Variants in COL26A1 observed in about 807,000 individuals in gnomAD.
COL26A1 encodes the protein collagen alpha-1(XXVI) chain.
In COL26A1, 41 loss-of-function variants were observed where a neutral mutation model predicts 59.3. The observed-to-expected ratio is 0.69, with a 90% CI of 0.54 to 0.90. The LOEUF (loss-of-function observed/expected upper bound fraction) is 0.90. Among genes scored for constraint, COL26A1 ranks in the 40% least tolerant of loss-of-function variants. COL26A1 has a pLI of 0.00. For synonymous variants in COL26A1, 266 were observed against 256.0 expected, an observed-to-expected ratio of 1.04 and a Z score of -0.37; for missense variants, 612 against 602.3, an observed-to-expected ratio of 1.02 and a Z score of -0.17.
chr7:101,473,058 G>C (rs1793942681), intron 3 of COL26A1, among the ~76,000 whole-genome samples: 1 of 151,728 alleles, frequency 6.6e-6, no homozygotes, highest in South Asian at 2.1e-4. Flanking sequence ...TGGTTTATGA[G>C]CTGACTATGG....
chr7:101,399,924 C>A (rs1791949979), intron 1 of COL26A1, among the ~76,000 whole-genome samples: 1 of 152,188 alleles, frequency 6.6e-6, no homozygotes, highest in Non-Finnish European at 1.5e-5. Context: ...ATTTACTTAT[C>A]ACCCACTCAA....
chr7:101,401,674 A>T (rs1281046637), intron 1 of COL26A1, among the ~76,000 whole-genome samples: 4 of 126,358 alleles, frequency 3.2e-5, no homozygotes, highest in South Asian at 2.8e-4. Context: ...AGGAGGAAGA[A>T]GATGTTGGAG....
At chr7:101,556,299 C>T (rs1795973983) in intron 12 of COL26A1, among the ~76,000 whole-genome samples, 1 of 152,240 alleles carries the variant, frequency 6.6e-6, no homozygotes, top group Non-Finnish European at 1.5e-5. Context: ...TTCTGTGACC[C>T]TCTGGGAGTC....
intron 1 of COL26A1, among the ~76,000 whole-genome samples, chr7:101,364,437 T>C (rs1477024189): frequency 6.6e-6 from 1 of 151,334 alleles, no homozygotes; most frequent in Admixed American, 6.6e-5. Context: ...GGCCTCCCAA[T>C]CTCCATTTCT....
intron 2 of COL26A1, among the ~76,000 whole-genome samples, chr7:101,420,993 C>A (rs34677547): frequency 1.3e-5 from 2 of 152,018 alleles, no homozygotes; most frequent in African/African-American, 4.8e-5. Flanking sequence ...GGGGCCTCTA[C>A]CCCAAGCACC....
chr7:101,475,809 T>C (rs112879603), intron 3 of COL26A1, among the ~76,000 whole-genome samples: 523 of 40,916 alleles, frequency 0.013, 6 homozygotes, highest in Non-Finnish European at 0.02. Flanking sequence ...TCCTTCCTTC[T>C]TTCTTTCTTT....
chr7:101,523,027 T>G (rs1022384386), intron 3 of COL26A1, among the ~76,000 whole-genome samples: 2 of 152,134 alleles, frequency 1.3e-5, no homozygotes, highest in Non-Finnish European at 2.9e-5. Context: ...GTGATATACT[T>G]CTTCATTCAT....
In COL26A1 at chr7:101,453,975, G is replaced by GT. The variant is rs1793405691; in HGVS notation, c.385+6188_385+6189insT. On this transcript the variant is annotated intron_variant, in intron 3 of 12. Transcript: ENST00000313669. ...AGACACCCCAGGAGTGCAGGTCTAA[G>GT]GTTTGGAAATACTTTCCTTTCTACA... Among the ~76,000 whole-genome samples the GT allele has an allele frequency of 2.0e-5, 3 of 152,176 alleles. No homozygotes were observed. The East Asian group carries it at 5.8e-4, about 29-fold the overall frequency.
rs1202383058 is a variant in COL26A1 at position 101,475,785 on chromosome 7, T to TTTCC, written c.385+28018_385+28021dup. Among the ~76,000 whole-genome samples, 316 of 100,846 alleles carry TTTCC rather than the reference T, an allele frequency of 3.1e-3. 2 individuals are homozygous for TTTCC. The highest frequency in any genetic ancestry group is 0.017 in the East Asian group (77 of 4,568). 66.2% of individuals were successfully genotyped at this position (100,846 alleles called of 152,430 possible). A position where few individuals can be genotyped will look rare whatever the true frequency, so the allele number is the denominator to read the frequency against. On this transcript the variant is annotated intron_variant, in intron 3 of 12. Transcript: ENST00000313669. ...TTCTTTCTCTTTCTTTCTTTCTTTC[T>TTTCC]TTCCTTCCTTCCTTCCTTCCTTCTT...
intron 1 of COL26A1, among the ~76,000 whole-genome samples, chr7:101,384,759 C>G (rs573777315): frequency 9.6e-4 from 146 of 152,182 alleles, no homozygotes; most frequent in African/African-American, 3.3e-3. Context: ...TTGACTCATG[C>G]AATCACAGGG....
At chr7:101,395,155 G>A (rs1330632846) in intron 1 of COL26A1, among the ~76,000 whole-genome samples, 1 of 152,072 alleles carries the variant, frequency 6.6e-6, no homozygotes, top group Admixed American at 6.6e-5. Context: ...TTGCGGGCAT[G>A]AGCCACCGCG....
chr7:101,427,699 T>G (rs1014330029), intron 2 of COL26A1, among the ~76,000 whole-genome samples: 2 of 151,630 alleles, frequency 1.3e-5, no homozygotes, highest in Non-Finnish European at 2.9e-5. Flanking sequence ...AGATATGGGA[T>G]CTTGCTTTGT....
At chr7:101,423,265 C>T (rs1792567762) in intron 2 of COL26A1, among the ~76,000 whole-genome samples, 1 of 151,348 alleles carries the variant, frequency 6.6e-6, no homozygotes, top group Non-Finnish European at 1.5e-5. Context: ...GACTTCCTCT[C>T]AAAACAAAAA....
rs1673448699 is a variant in COL26A1 at position 101,493,948 on chromosome 7, A to G, written c.386-39134A>G. Reference sequence around the variant, plus strand: ...ACTCTGTCTCAAAAAAAAAAAAAAAATACAGAATGATGAGTGTGTTTCTTT... The same window carrying G: ...ACTCTGTCTCAAAAAAAAAAAAAAAGTACAGAATGATGAGTGTGTTTCTTT... On this transcript the variant is annotated intron_variant, in intron 3 of 12. Transcript: ENST00000313669. 2.1e-5 allele frequency among the ~76,000 whole-genome samples: 3 copies of G among 146,210 alleles called. No individual in the cohort carries two copies. In the South Asian group the frequency reaches 6.5e-4, roughly 32 times the overall value.
chr7:101,557,326 T>C (rs1299086622), intron 12 of COL26A1, 44 bp from the exon 13 acceptor site: 2 of 1,576,816 alleles, frequency 1.3e-6, no homozygotes, highest in Non-Finnish European at 1.7e-6. Context: ...CCCCAAGTGT[T>C]CCTAAGGCTC....
At chr7:101,456,040 T>G (rs1554414245) in intron 3 of COL26A1, among the ~76,000 whole-genome samples, 5 of 152,024 alleles carry the variant, frequency 3.3e-5, no homozygotes, top group Admixed American at 2.6e-4. Context: ...TGGCAATAGA[T>G]AGCCTTCTAT....
At chr7:101,508,886 A>G (rs1794865263) in intron 3 of COL26A1, among the ~76,000 whole-genome samples, 1 of 151,760 alleles carries the variant, frequency 6.6e-6, no homozygotes, top group Non-Finnish European at 1.5e-5. Context: ...GGTTTGTTCC[A>G]GCTACTCAGC....
At chr7:101,365,419 G>GT (rs1791019522) in intron 1 of COL26A1, among the ~76,000 whole-genome samples, 1 of 151,940 alleles carries the variant, frequency 6.6e-6, no homozygotes, top group Non-Finnish European at 1.5e-5. Context: ...TTGTCTGAAT[G>GT]TTTTTCTGGT....
At chr7:101,503,897 C>T (rs933855189) in intron 3 of COL26A1, among the ~76,000 whole-genome samples, 1 of 152,222 alleles carries the variant, frequency 6.6e-6, no homozygotes, top group Non-Finnish European at 1.5e-5. Flanking sequence ...GAACCTAGGC[C>T]TGCCACTTCC....
Sources: allele counts gnomAD v4.1 joint callset (sites outside exome capture counted in the v4.1 genomes callset), GRCh38; gene constraint gnomAD v4.1.1; transcripts MANE v1.5; gene names NCBI Gene and HGNC (gene_info 2026-07-23, HGNC 2026-07-21).